SGCB: variants seen among roughly 807,000 people sequenced by gnomAD.
SGCB encodes the protein beta-sarcoglycan.
A neutral mutation model predicts 27.3 loss-of-function variants in SGCB; 25 were observed. The observed-to-expected ratio is 0.92, with a 90% confidence interval of 0.67 to 1.28. SGCB has a LOEUF of 1.28. Among genes scored for constraint, SGCB ranks in the 50% most tolerant of loss-of-function variants. The probability of loss-of-function intolerance (pLI) is 0.00; values close to 1 mark genes in which losing one functional copy is unlikely to be tolerated. For synonymous variants in SGCB, 147 were observed against 133.5 expected, an observed-to-expected ratio of 1.10 and a Z score of -0.70; for missense variants, 436 against 402.1, an observed-to-expected ratio of 1.08 and a Z score of -0.72.
At position 52,029,780 on chromosome 4, in the gene SGCB, T is replaced by C. The variant is rs767994334; in HGVS notation, c.327A>G (p.Arg109=). ...CTCCCATGTCAGATACTTGCTTAAA[T>C]CGAAGCAGGCCACTTTCATGAAACT... ...SMEFHESGLL[R]FKQVSDMGVI... Residue 109 remains arginine (R), a synonymous_variant, in exon 3 of 6, where the codon CGA becomes CGG. Transcript: ENST00000381431. 1.7e-5 allele frequency: 28 copies of C among 1,613,480 alleles called. No homozygotes were observed. Among genetic ancestry groups the C allele is most frequent in the Non-Finnish European group, 2.2e-5 (26 of 1,179,620 alleles).
intron 2 of SGCB, 142 bp downstream of exon 2, chr4:52,033,288 GT>G (rs1433255341): frequency 6.1e-6 from 4 of 655,396 alleles, no homozygotes; most frequent in South Asian, 3.6e-5. Flanking sequence ...TAGCACACTA[GT>G]TTTTTTAATA....
At chr4:52,029,578 GA>G in intron 3 of SGCB, 99 bp downstream of exon 3, 1 of 733,304 alleles carries the variant, frequency 1.4e-6, no homozygotes, top group Non-Finnish European at 2.4e-6. Context: ...TTTTCTAAGG[GA>G]AAATATCTCT....
intron 2 of SGCB, 72 bp downstream of exon 2, chr4:52,033,357 GTC>G: frequency 3.3e-6 from 3 of 921,588 alleles, no homozygotes; most frequent in Non-Finnish European, 5.3e-6. Flanking sequence ...AGAAAATAAA[GTC>G]TATGATTTCA....
intron 5 of SGCB, among the ~76,000 whole-genome samples, chr4:52,025,257 A>G (rs572451929): frequency 6.6e-6 from 1 of 152,212 alleles, no homozygotes; most frequent in Non-Finnish European, 1.5e-5. Flanking sequence ...CAGGTGGGAT[A>G]AATGCTATGA....
At position 52,020,879 on chromosome 4, in the gene SGCB, T is replaced by C. The variant is rs1046497694; in HGVS notation, c.*3078A>G. On this transcript the variant is annotated 3_prime_UTR_variant, in exon 6 of 6. Coordinates refer to ENST00000381431, the MANE Select transcript of SGCB (RefSeq NM_000232.5). The stretch of plus-strand genomic sequence containing the variant: ...AAGAAGACTGTTAAAATTTTCAGCA[T>C]TTCAATGATCTCTTATTTGTCAGGT... 6.6e-6 allele frequency: 1 copy of C among 152,612 alleles called. No individual in the cohort carries two copies. Among genetic ancestry groups the C allele is most frequent in the African/African-American group, 2.4e-5 (1 of 41,444 alleles). The allele number at this position is 152,612 out of a possible 1,614,324, so 9.5% of individuals were successfully genotyped here. A position where few individuals can be genotyped will look rare whatever the true frequency, so the allele number is the denominator to read the frequency against.
At position 52,021,160 on chromosome 4, in the gene SGCB, A is replaced by G. The variant is rs1736939614; in HGVS notation, c.*2797T>C. 6.6e-6 allele frequency: 1 copy of G among 152,108 alleles called. No homozygotes were observed. Among genetic ancestry groups the G allele is most frequent in the Non-Finnish European group, 1.5e-5 (1 of 68,030 alleles). 9.4% of individuals were successfully genotyped at this position (152,108 alleles called of 1,614,324 possible). On this transcript the variant is annotated 3_prime_UTR_variant, in exon 6 of 6. Transcript: ENST00000381431. ...CCTTGTCATTGCAACCCGTCTCTAG[A>G]ATACTGTGGTAATTGAAACTAGCAT... is the stretch of plus-strand genomic sequence containing the variant.
At chr4:52,032,058 G>A (rs1227660817) in intron 2 of SGCB, 6 of 427,138 alleles carry the variant, frequency 1.4e-5, no homozygotes, top group South Asian at 8.4e-5. Context: ...CTACCCTCCA[G>A]TATCCGCAGG....
Position 52,025,040 on chromosome 4 carries a change from T to G in SGCB, c.754-880A>C, listed in dbSNP as rs575731736. On this transcript the variant is annotated intron_variant, in intron 5 of 5. Transcript: ENST00000381431. Reference sequence around the variant, plus strand: ...CCTTCTTTTTAGTGACTCTTAGGACTCTCTTGCTTTCTCCCTTTCCTCCTT... The same window carrying G: ...CCTTCTTTTTAGTGACTCTTAGGACGCTCTTGCTTTCTCCCTTTCCTCCTT... Among the ~76,000 whole-genome samples the G allele has an allele frequency of 2.6e-5, 4 of 152,194 alleles. No homozygotes were observed. The East Asian group carries it at 7.7e-4, about 29-fold the overall frequency.
intron 1 of SGCB, among the ~76,000 whole-genome samples, chr4:52,035,222 C>G (rs1318810470): frequency 2.0e-5 from 3 of 152,206 alleles, no homozygotes; most frequent in Admixed American, 6.5e-5. Flanking sequence ...CGCTTAAACA[C>G]TAATTCCATA....
In SGCB at chr4:52,028,778, C is replaced by T. The variant is rs1290740509; in HGVS notation, c.573G>A (p.Leu191=). The T allele has an allele frequency of 1.2e-6, 2 of 1,613,766 alleles. No individual in the cohort carries two copies. The highest frequency in any genetic ancestry group is 2.2e-5 in the East Asian group (1 of 44,852). ...STDYETHEFH[L]PSGVKSLNVQ... ...CATTCAAACTTTTCACTCCACTTGG[C>T]AAATGAAACTCATGAGTTTCATAGT... The change falls in exon 4 of 6, where the codon TTG becomes TTA. Residue 191 remains leucine (L), a synonymous_variant. Coordinates refer to ENST00000381431, the MANE Select transcript of SGCB (RefSeq NM_000232.5).
intron 1 of SGCB, 79 bp from the exon 2 acceptor site, chr4:52,033,719 G>T: frequency 2.9e-6 from 3 of 1,038,026 alleles, no homozygotes; most frequent in Non-Finnish European, 4.5e-6. Context: ...CAAATTCATA[G>T]CTATAGCAAG....
At position 52,038,290 on chromosome 4, in the gene SGCB, G is replaced by A. The variant is rs1737458704; in HGVS notation, c.-31C>T. ...CGCGCCCGCCGCCGCCGAGCTCCCC[G>A]CCCGACTGTGCCCGCCCCTCCGCGA... is the stretch of plus-strand genomic sequence containing the variant. On this transcript the variant is annotated 5_prime_UTR_variant, in exon 1 of 6. Transcript: ENST00000381431. 6 of 1,275,458 alleles carry A rather than the reference G, an allele frequency of 4.7e-6. No homozygotes were observed. In the South Asian group the frequency reaches 1.4e-4, roughly 29 times the overall value. The allele number at this position is 1,275,458 out of a possible 1,614,324, so 79.0% of individuals were successfully genotyped here. A position where few individuals can be genotyped will look rare whatever the true frequency, so the allele number is the denominator to read the frequency against.
At chr4:52,030,233 A>C (rs750948351) in intron 2 of SGCB, among the ~76,000 whole-genome samples, 70 of 152,138 alleles carry the variant, frequency 4.6e-4, no homozygotes, top group African/African-American at 1.2e-4. Context: ...TATTTCTAAA[A>C]TATCTAACAA....
rs112469469 is a variant in SGCB at position 52,024,162 on chromosome 4, T to C, written c.754-2A>G. 1.2e-6 allele frequency: 2 copies of C among 1,611,476 alleles called. No individual in the cohort carries two copies. The highest frequency in any genetic ancestry group is 2.2e-5 in the South Asian group (2 of 90,972). ...TCCATTTAGGATGATACTGTTTTCC[T>C]ATTAGGAGAATAGTAATATGATTTA... On this transcript the variant is annotated splice_acceptor_variant, in intron 5 of 5. Coordinates refer to ENST00000381431, the MANE Select transcript of SGCB (RefSeq NM_000232.5). LOFTEE classifies it high-confidence loss of function.
Position 52,037,895 on chromosome 4 carries a change from G to C in SGCB, c.33+332C>G, listed in dbSNP as rs879609499. On this transcript the variant is annotated intron_variant, in intron 1 of 5. Transcript: ENST00000381431. The stretch of plus-strand genomic sequence containing the variant: ...TCCAAATCTCTGCTGGCGGCTGAAC[G>C]GGGTACGTCCCTGGCACGTCCCAGC... 8.9e-4 allele frequency among the ~76,000 whole-genome samples: 135 copies of C among 152,286 alleles called. 2 individuals carry two copies. The highest frequency in any genetic ancestry group is 1.6e-3 in the African/African-American group (65 of 41,576).
chr4:52,033,285 C>G (rs992440256), intron 2 of SGCB, 146 bp downstream of exon 2: 4 of 648,860 alleles, frequency 6.2e-6, no homozygotes, highest in Non-Finnish European at 1.1e-5. Context: ...TATTAGCACA[C>G]TAGTTTTTTT....
rs1375850421 is a variant in SGCB, at chr4:52,021,159, G to GAA, written c.*2796_*2797dup. The GAA allele has an allele frequency of 6.6e-6, 1 of 152,084 alleles. No individual in the cohort carries two copies. Among genetic ancestry groups the GAA allele is most frequent in the Non-Finnish European group, 1.5e-5 (1 of 68,032 alleles). The allele number at this position is 152,084 out of a possible 1,614,324, so 9.4% of individuals were successfully genotyped here. ...CCCTTGTCATTGCAACCCGTCTCTA[G>GAA]AATACTGTGGTAATTGAAACTAGCA... On this transcript the variant is annotated 3_prime_UTR_variant, in exon 6 of 6. Transcript: ENST00000381431.
intron 2 of SGCB, among the ~76,000 whole-genome samples, chr4:52,032,460 C>T (rs183292418): frequency 1.3e-5 from 2 of 152,232 alleles, no homozygotes; most frequent in Admixed American, 6.5e-5. Context: ...TACTTTGGAA[C>T]GAGCTTTTTA....
rs958900511 is a variant in SGCB at position 52,029,071 on chromosome 4, C to A, written c.430-150G>T. ...TCAAATACGTTTAACTCTGTCTGTT[C>A]TCCCTCCATCCACTTGGAAGAAGAG... is the stretch of plus-strand genomic sequence containing the variant. On this transcript the variant is annotated intron_variant, in intron 3 of 5. Transcript: ENST00000381431. The A allele has an allele frequency of 1.7e-5, 11 of 634,078 alleles. No homozygotes were observed. The Admixed American group carries it at 3.0e-4, about 17-fold the overall frequency. 39.3% of individuals were successfully genotyped at this position (634,078 alleles called of 1,614,324 possible).
Sources: allele counts gnomAD v4.1 joint callset (sites outside exome capture counted in the v4.1 genomes callset), GRCh38; gene constraint gnomAD v4.1.1; transcripts MANE v1.5; gene names NCBI Gene and HGNC (gene_info 2026-07-23, HGNC 2026-07-21).